The following ZFAND3 variants were observed in gnomAD, a reference collection of about 807,000 sequenced individuals.
The protein encoded by ZFAND3 is AN1-type zinc finger protein 3.
Under a neutral mutation model 29.6 loss-of-function variants are expected in ZFAND3, and 10 were observed. That is an observed-to-expected ratio of 0.34 (90% confidence interval 0.21 to 0.57). ZFAND3 has a LOEUF of 0.57. ZFAND3 is among the 20% of genes least tolerant of loss of function. ZFAND3 has a pLI of 0.86. For synonymous variants in ZFAND3, 128 were observed against 112.6 expected (o/e 1.14, Z -0.87); for missense variants, 230 against 304.5 (o/e 0.76, Z 1.82).
intron 5 of ZFAND3, among the ~76,000 whole-genome samples, chr6:38,130,722 T>C (rs960972334): frequency 6.6e-6 from 1 of 152,226 alleles, no homozygotes; most frequent in African/African-American, 2.4e-5. Context: ...GCTAGTATTT[T>C]GTTAAGGATT....
intron 2 of ZFAND3, 108 bp downstream of exon 2, chr6:37,930,107 G>T: frequency 1.8e-6 from 2 of 1,103,568 alleles, no homozygotes; most frequent in South Asian, 1.9e-5. Flanking sequence ...TTATGCATGG[G>T]GTTTTGTTTT....
At chr6:38,088,406 G>C (rs971576333) in intron 4 of ZFAND3, 9 of 152,182 alleles carry the variant, frequency 5.9e-5, no homozygotes, top group Non-Finnish European at 8.8e-5. Context: ...GGGTACTGAA[G>C]GGTTGGGGAA....
intron 1 of ZFAND3, among the ~76,000 whole-genome samples, chr6:37,838,513 A>G (rs981287171): frequency 6.6e-5 from 10 of 152,330 alleles, no homozygotes; most frequent in Middle Eastern, 3.4e-3. Context: ...CCTGCTAAAC[A>G]TGAATCTACT....
intron 1 of ZFAND3, among the ~76,000 whole-genome samples, chr6:37,919,693 C>G (rs543944879): frequency 2.6e-4 from 40 of 152,324 alleles, no homozygotes; most frequent in African/African-American, 9.6e-4. Context: ...TACTGCATTG[C>G]TTTCTAGAAG....
intron 5 of ZFAND3, among the ~76,000 whole-genome samples, chr6:38,144,211 A>ATATATATAATAT (rs70981524): frequency 2.2e-5 from 1 of 45,880 alleles, no homozygotes; most frequent in Non-Finnish European, 3.9e-5. Context: ...ATATATATAT[A>ATATATATAATAT]ATATATAATA....
At chr6:38,049,941 A>ATTT (rs1339172576) in intron 2 of ZFAND3, among the ~76,000 whole-genome samples, 1 of 49,850 alleles carries the variant, frequency 2.0e-5, no homozygotes, top group East Asian at 2.6e-3. Context: ...TGAGTAGGCA[A>ATTT]TTAATTTTTT....
intron 2 of ZFAND3, among the ~76,000 whole-genome samples, chr6:37,943,975 A>T (rs1021469563): frequency 1.3e-5 from 2 of 152,204 alleles, no homozygotes; most frequent in African/African-American, 4.8e-5. Context: ...CAAAGTTGCA[A>T]CAACCCTTTA....
chr6:38,097,983 T>C (rs1202623099), intron 4 of ZFAND3, among the ~76,000 whole-genome samples: 2 of 152,202 alleles, frequency 1.3e-5, no homozygotes, highest in Non-Finnish European at 2.9e-5. Flanking sequence ...GAAAGCCCCT[T>C]TGTCCTTTCT....
intron 2 of ZFAND3, among the ~76,000 whole-genome samples, chr6:37,992,513 C>A (rs1762776331): frequency 6.6e-6 from 1 of 152,114 alleles, no homozygotes; most frequent in African/African-American, 2.4e-5. Flanking sequence ...TCCCTCTCTT[C>A]TTCTCCCTTT....
chr6:38,154,277 C>G lies in ZFAND3; in HGVS notation c.*1888C>G, dbSNP rs1405638563. On this transcript the variant is annotated 3_prime_UTR_variant, in exon 6 of 6. Transcript: ENST00000287218. ...CCGGCCCTCCCCAGGGCCCCCCGCC[C>G]CCTCCTCTGCCTGCTGCGTGGAGGC... is the stretch of plus-strand genomic sequence containing the variant. The G allele has an allele frequency of 5.1e-6, 5 of 985,382 alleles. No homozygotes were observed. Among genetic ancestry groups the G allele is most frequent in the Non-Finnish European group, 4.8e-6 (4 of 829,962 alleles). The allele number at this position is 985,382 out of a possible 1,614,324, so 61.0% of individuals were successfully genotyped here. A position where few individuals can be genotyped will look rare whatever the true frequency, so the allele number is the denominator to read the frequency against.
chr6:38,021,067 T>A (rs1763340759), intron 2 of ZFAND3, among the ~76,000 whole-genome samples: 1 of 152,248 alleles, frequency 6.6e-6, no homozygotes, highest in African/African-American at 2.4e-5. Context: ...GTTAACCTTT[T>A]CCTTTCTTCA....
intron 3 of ZFAND3, among the ~76,000 whole-genome samples, chr6:38,079,756 A>G (rs1442137370): frequency 2.0e-5 from 3 of 152,158 alleles, no homozygotes; most frequent in African/African-American, 7.2e-5. Flanking sequence ...GAAATTAGAA[A>G]TGACTGGACT....
chr6:37,949,847 T>C (rs1036176573), intron 2 of ZFAND3, among the ~76,000 whole-genome samples: 5 of 152,210 alleles, frequency 3.3e-5, no homozygotes, highest in African/African-American at 9.6e-5. Flanking sequence ...TCTTGCCCTA[T>C]ACATGTTCAG....
intron 2 of ZFAND3, among the ~76,000 whole-genome samples, chr6:38,033,771 T>G (rs1763607908): frequency 6.6e-6 from 1 of 152,166 alleles, no homozygotes; most frequent in Non-Finnish European, 1.5e-5. Flanking sequence ...TAGATTTTCA[T>G]GTTCTCTCTG....
At chr6:37,999,748 A>G (rs955932495) in intron 2 of ZFAND3, among the ~76,000 whole-genome samples, 2 of 152,234 alleles carry the variant, frequency 1.3e-5, no homozygotes, top group Admixed American at 6.5e-5. Context: ...AGACATGACA[A>G]CTAAATCTAA....
rs1022412915 is a variant in ZFAND3, at chr6:37,819,837, C to A, written c.-109C>A. On this transcript the variant is annotated 5_prime_UTR_variant, in exon 1 of 6. Coordinates refer to ENST00000287218, the MANE Select transcript of ZFAND3 (RefSeq NM_021943.3). Reference sequence around the variant, plus strand: ...GCCCGCGCGCCCGCTCCTTCCCCCTCCCCCCGCCCCGAGCCCCCCGACGCC... The same window carrying A: ...GCCCGCGCGCCCGCTCCTTCCCCCTACCCCCGCCCCGAGCCCCCCGACGCC... The A allele has an allele frequency of 2.1e-5, 9 of 423,892 alleles. No individual in the cohort carries two copies. The highest frequency in any genetic ancestry group is 3.1e-5 in the Non-Finnish European group (9 of 294,696). 26.3% of individuals were successfully genotyped at this position (423,892 alleles called of 1,614,324 possible).
chr6:38,046,082 T>A (rs529647905), intron 2 of ZFAND3, among the ~76,000 whole-genome samples: 1 of 152,364 alleles, frequency 6.6e-6, no homozygotes, highest in African/African-American at 2.4e-5. Flanking sequence ...CCGGTGATGA[T>A]GACTGAACTA....
chr6:38,141,917 C>T (rs1243420009), intron 5 of ZFAND3, among the ~76,000 whole-genome samples: 1 of 152,214 alleles, frequency 6.6e-6, no homozygotes, highest in African/African-American at 2.4e-5. Flanking sequence ...ATGCCGGGTG[C>T]TTCACAGGCA....
At chr6:37,894,210 G>A (rs1009231714) in intron 1 of ZFAND3, among the ~76,000 whole-genome samples, 5 of 152,064 alleles carry the variant, frequency 3.3e-5, no homozygotes, top group Non-Finnish European at 7.4e-5. Context: ...AGCTGAGATA[G>A]TACCACTGCA....
Sources: allele counts gnomAD v4.1 joint callset (sites outside exome capture counted in the v4.1 genomes callset), GRCh38; gene constraint gnomAD v4.1.1; transcripts MANE v1.5; gene names NCBI Gene and HGNC (gene_info 2026-07-23, HGNC 2026-07-21).